Variants in THSD7B observed in about 807,000 individuals in gnomAD.
The protein encoded by THSD7B is thrombospondin type 1 domain containing 7B, also known as thrombospondin type-1 domain-containing protein 7B.
THSD7B carries 138 observed loss-of-function variants against 213.6 expected under a neutral mutation model. The observed-to-expected ratio is 0.65, with a 90% CI of 0.56 to 0.74. The LOEUF (loss-of-function observed/expected upper bound fraction) is 0.74. Among genes scored for constraint, THSD7B ranks in the 30% least tolerant of loss-of-function variants. THSD7B has a pLI of 0.00. For synonymous variants in THSD7B, 742 were observed against 687.0 expected, an observed-to-expected ratio of 1.08 and a Z score of -1.25; for missense variants, 1,931 against 1,991.5, an observed-to-expected ratio of 0.97 and a Z score of 0.58.
intron 7 of THSD7B, among the ~76,000 whole-genome samples, chr2:137,218,607 G>C (rs184151660): frequency 6.6e-6 from 1 of 152,098 alleles, no homozygotes; most frequent in African/African-American, 2.4e-5. Flanking sequence ...TACTAGAAAA[G>C]TATACTACAT....
At chr2:137,583,041 G>C (rs1042773646) in intron 17 of THSD7B, among the ~76,000 whole-genome samples, 12 of 152,208 alleles carry the variant, frequency 7.9e-5, no homozygotes, top group Admixed American at 7.2e-4. Context: ...TCTAACTGGT[G>C]TGAGATGATA....
chr2:136,899,046 T>C (rs1684016036), intron 2 of THSD7B, among the ~76,000 whole-genome samples: 1 of 152,110 alleles, frequency 6.6e-6, no homozygotes, highest in Non-Finnish European at 1.5e-5. Flanking sequence ...GAAAATAATA[T>C]AGCAAATACC....
intron 1 of THSD7B, among the ~76,000 whole-genome samples, chr2:136,787,232 ATTCT>A (rs1681876736): frequency 6.7e-6 from 1 of 149,392 alleles, no homozygotes; most frequent in African/African-American, 2.4e-5. Context: ...AAGTTGGATG[ATTCT>A]TTTTTTTTCA....
chr2:136,783,360 G>A (rs1485100522), intron 1 of THSD7B, among the ~76,000 whole-genome samples: 1 of 152,124 alleles, frequency 6.6e-6, no homozygotes, highest in East Asian at 1.9e-4. Context: ...GAATTGAGCT[G>A]GGAAACAGAG....
At chr2:136,915,681 G>A (rs1684337517) in intron 2 of THSD7B, among the ~76,000 whole-genome samples, 1 of 152,196 alleles carries the variant, frequency 6.6e-6, no homozygotes, top group Non-Finnish European at 1.5e-5. Context: ...AGCACAGAGA[G>A]GTAAAGTACC....
At chr2:137,217,293 G>A (rs934652681) in intron 7 of THSD7B, among the ~76,000 whole-genome samples, 32 of 152,034 alleles carry the variant, frequency 2.1e-4, no homozygotes, top group African/African-American at 7.2e-4. Flanking sequence ...TTACAGATTT[G>A]ACTGTATCTG....
chr2:137,314,781 C>T (rs148067140), intron 12 of THSD7B, among the ~76,000 whole-genome samples: 1 of 152,190 alleles, frequency 6.6e-6, no homozygotes, highest in Non-Finnish European at 1.5e-5. Flanking sequence ...AGGTGTCAGT[C>T]TGCCCCTGCT....
At chr2:137,127,946 CA>C (rs1329077029) in intron 5 of THSD7B, among the ~76,000 whole-genome samples, 1 of 151,784 alleles carries the variant, frequency 6.6e-6, no homozygotes, top group Non-Finnish European at 1.5e-5. Flanking sequence ...ATAAAAAAAC[CA>C]AAAAGCCCTA....
chr2:137,255,073 T>C (rs1459393854), intron 10 of THSD7B, among the ~76,000 whole-genome samples: 2 of 152,170 alleles, frequency 1.3e-5, no homozygotes, highest in Admixed American at 6.5e-5. Context: ...GAATATAAAA[T>C]AACATTATAT....
At chr2:136,814,364 T>G (rs1312444707) in intron 1 of THSD7B, among the ~76,000 whole-genome samples, 1 of 152,076 alleles carries the variant, frequency 6.6e-6, no homozygotes, top group Non-Finnish European at 1.5e-5. Context: ...AAACATTGTT[T>G]TGGAGTAAGA....
In THSD7B at chr2:137,074,456, C is replaced by T. The variant is rs530474668; in HGVS notation, c.950+17226C>T. Among the ~76,000 whole-genome samples, 29 of 152,244 alleles carry T rather than the reference C, an allele frequency of 1.9e-4. No individual in the cohort carries two copies. In the South Asian group the frequency reaches 5.6e-3, roughly 29 times the overall value. ...TTGCTTGGTAGATCTTCCTCCATCCCTTTATTTTGAGCCCATGTGTGTCCC... is the reference window on the plus strand; with the variant it reads ...TTGCTTGGTAGATCTTCCTCCATCCTTTTATTTTGAGCCCATGTGTGTCCC... On this transcript the variant is annotated intron_variant, in intron 3 of 27. Transcript: ENST00000409968.
chr2:136,900,278 A>G (rs989138214), intron 2 of THSD7B, among the ~76,000 whole-genome samples: 1 of 152,302 alleles, frequency 6.6e-6, no homozygotes, highest in Non-Finnish European at 1.5e-5. Context: ...TGTTGTGTAC[A>G]TGTGTGGATG....
intron 2 of THSD7B, among the ~76,000 whole-genome samples, chr2:136,900,560 A>T (rs79343652): frequency 0.021 from 3,164 of 152,246 alleles, 59 homozygotes; most frequent in East Asian, 0.092. Flanking sequence ...GCCTTTTATC[A>T]CATTTTATAA....
intron 1 of THSD7B, among the ~76,000 whole-genome samples, chr2:136,842,015 T>A (rs1007081044): frequency 2.0e-5 from 3 of 152,202 alleles, no homozygotes; most frequent in African/African-American, 7.2e-5. Flanking sequence ...AGCAGATGTG[T>A]ATGGAATGTC....
In THSD7B at chr2:136,860,159, G is replaced by T. The variant is rs116025355; in HGVS notation, c.-35-21985G>T. The stretch of plus-strand genomic sequence containing the variant: ...CAGCCTCCCGAGTAGCTGAATTCAT[G>T]ATTTTTTTGAGGAGTTGAGGATGGT... On this transcript the variant is annotated intron_variant, in intron 1 of 27. Transcript: ENST00000409968. Among the ~76,000 whole-genome samples, 497 of 151,510 alleles carry T rather than the reference G, an allele frequency of 3.3e-3. 3 individuals are homozygous for T. The highest frequency in any genetic ancestry group is 0.011 in the African/African-American group (475 of 41,308).
intron 4 of THSD7B, among the ~76,000 whole-genome samples, chr2:137,103,718 G>T (rs912938212): frequency 6.6e-6 from 1 of 151,192 alleles, no homozygotes; most frequent in African/African-American, 2.4e-5. Context: ...AAAAAAAAAA[G>T]AAGCAGGGGT....
In THSD7B at chr2:136,822,572, A is replaced by T. The variant is rs139793599; in HGVS notation, c.-36+56885A>T. Among the ~76,000 whole-genome samples, 403 of 152,356 alleles carry T rather than the reference A, an allele frequency of 2.6e-3. 2 individuals are homozygous for T. Among genetic ancestry groups the T allele is most frequent in the African/African-American group, 9.1e-3 (379 of 41,584 alleles). ...TGAAGGAAGGAGACTTAGAGAGGTCATTCAGCTATTACATTATACAGCAGG... is the reference window on the plus strand; with the variant it reads ...TGAAGGAAGGAGACTTAGAGAGGTCTTTCAGCTATTACATTATACAGCAGG... On this transcript the variant is annotated intron_variant, in intron 1 of 27. Coordinates refer to ENST00000409968, the MANE Select transcript of THSD7B (RefSeq NM_001316349.2).
intron 2 of THSD7B, among the ~76,000 whole-genome samples, chr2:137,055,062 G>A (rs569398374): frequency 6.6e-6 from 1 of 152,120 alleles, no homozygotes; most frequent in Non-Finnish European, 1.5e-5. Context: ...TTCGTTTGCT[G>A]AGGATGATGG....
chr2:137,417,551 C>G (rs998090576), intron 14 of THSD7B, among the ~76,000 whole-genome samples: 1 of 152,054 alleles, frequency 6.6e-6, no homozygotes, highest in African/African-American at 2.4e-5. Flanking sequence ...GTGATCCTCC[C>G]GCCTCAGCCT....
Sources: gnomAD v4.1 joint callset for allele counts (sites outside exome capture counted in the v4.1 genomes callset) on GRCh38, gnomAD v4.1.1 for gene constraint, MANE v1.5 for transcripts, NCBI Gene and HGNC (gene_info 2026-07-23, HGNC 2026-07-21) for gene names.